The following PAPPA2 variants were observed in gnomAD, a reference collection of about 807,000 sequenced individuals.
PAPPA2 encodes pappalysin-2.
A neutral mutation model predicts 176.4 loss-of-function variants in PAPPA2; 86 were observed. The ratio of observed to expected loss-of-function variants is 0.49; its 90% CI spans 0.41 to 0.58. The LOEUF is 0.58. Ranked by LOEUF, PAPPA2 falls within the 20% of genes least tolerant of loss-of-function variation. PAPPA2 has a pLI of 0.00. For missense variants in PAPPA2, 2,073 were observed against 2,256.9 expected (o/e 0.92, Z 1.65); for synonymous variants, 809 against 852.2 (o/e 0.95, Z 0.88).
At chr1:176,597,603 C>T (rs1654054743) in intron 3 of PAPPA2, among the ~76,000 whole-genome samples, 1 of 152,012 alleles carries the variant, frequency 6.6e-6, no homozygotes, top group Admixed American at 6.6e-5. Context: ...TCGATGGGCG[C>T]AGCAAACCAC....
intron 17 of PAPPA2, among the ~76,000 whole-genome samples, chr1:176,783,628 C>T (rs572499059): frequency 5.1e-4 from 77 of 152,254 alleles, no homozygotes; most frequent in African/African-American, 1.8e-3. Flanking sequence ...TAAATACAAA[C>T]CTTCCCCTAA....
intron 12 of PAPPA2, among the ~76,000 whole-genome samples, chr1:176,729,969 C>T (rs7349124): frequency 0.42 from 64,172 of 151,266 alleles, 14,908 homozygotes; most frequent in African/African-American, 0.61. Context: ...GTAGATTTTT[C>T]TTTTTAGTTG....
intron 1 of PAPPA2, among the ~76,000 whole-genome samples, chr1:176,532,387 G>A (rs1449158725): frequency 6.6e-6 from 1 of 152,192 alleles, no homozygotes; most frequent in Non-Finnish European, 1.5e-5. Context: ...GAAGGTGACT[G>A]CATGGTCAAA....
chr1:176,662,650 C>T (rs1458121938), intron 3 of PAPPA2, among the ~76,000 whole-genome samples: 2 of 151,700 alleles, frequency 1.3e-5, no homozygotes, highest in African/African-American at 4.8e-5. Context: ...ATTTTAGCTT[C>T]CCAGAGAGTT....
rs553475259 is a variant in PAPPA2, at chr1:176,822,257, A to G, written c.5203-17916A>G. On this transcript the variant is annotated intron_variant, in intron 21 of 22. Transcript: ENST00000367662. ...GTCACCTCCTAGTTGATTGTTCTTC[A>G]TGACTCTTGGCTCTGATCTCTAAGG... 2.6e-5 allele frequency among the ~76,000 whole-genome samples: 4 copies of G among 152,226 alleles called. No individual in the cohort carries two copies. In the South Asian group the frequency reaches 8.3e-4, roughly 32 times the overall value.
intron 12 of PAPPA2, among the ~76,000 whole-genome samples, chr1:176,717,490 G>T (rs754128604): frequency 1.3e-5 from 2 of 152,208 alleles, no homozygotes; most frequent in African/African-American, 2.4e-5. Context: ...ACTGCCAAAA[G>T]CTCCTAGGCT....
Position 176,692,109 on chromosome 1 carries a change from C to T in PAPPA2, c.2432-17C>T, listed in dbSNP as rs1660145014. ...TTAAAATCTCCATCTCTTGTGCCAC[C>T]TTTTTTGTCTCCACAGATGATAACT... is the stretch of plus-strand genomic sequence containing the variant. On this transcript the variant is annotated splice_polypyrimidine_tract_variant and intron_variant, in intron 5 of 22. Transcript: ENST00000367662. 1.9e-6 allele frequency: 3 copies of T among 1,596,254 alleles called. No homozygotes were observed. Among genetic ancestry groups the T allele is most frequent in the East Asian group, 2.2e-5 (1 of 44,538 alleles).
chr1:176,685,475 G>A (rs556603963), intron 4 of PAPPA2, among the ~76,000 whole-genome samples: 11 of 152,276 alleles, frequency 7.2e-5, no homozygotes, highest in African/African-American at 1.9e-4. Flanking sequence ...GTAACCATGC[G>A]GAGTCTGACC....
chr1:176,651,718 T>C (rs1657737330), intron 3 of PAPPA2, among the ~76,000 whole-genome samples: 1 of 151,712 alleles, frequency 6.6e-6, no homozygotes, highest in Admixed American at 6.6e-5. Flanking sequence ...ATTTTTTTAA[T>C]AAGCTTTCTA....
intron 17 of PAPPA2, among the ~76,000 whole-genome samples, chr1:176,778,565 A>T (rs1664564224): frequency 6.6e-6 from 1 of 152,194 alleles, no homozygotes; most frequent in South Asian, 2.1e-4. Context: ...AAGGCAAGCT[A>T]AAACTCATTA....
intron 1 of PAPPA2, among the ~76,000 whole-genome samples, chr1:176,529,618 G>T (rs1649693695): frequency 6.6e-6 from 1 of 152,200 alleles, no homozygotes; most frequent in Non-Finnish European, 1.5e-5. Flanking sequence ...AGAGCCCAGT[G>T]CTGCCTTCCC....
At chr1:176,578,245 G>A (rs938482408) in intron 2 of PAPPA2, among the ~76,000 whole-genome samples, 2 of 152,214 alleles carry the variant, frequency 1.3e-5, no homozygotes, top group African/African-American at 4.8e-5. Context: ...CACATATGCT[G>A]TAATCTAACT....
chr1:176,642,679 G>A (rs749511714), intron 3 of PAPPA2, among the ~76,000 whole-genome samples: 1 of 151,934 alleles, frequency 6.6e-6, no homozygotes, highest in Non-Finnish European at 1.5e-5. Context: ...AGAGGATAAA[G>A]TTGAACATAA....
intron 2 of PAPPA2, among the ~76,000 whole-genome samples, chr1:176,566,855 C>A (rs916595596): frequency 6.6e-6 from 1 of 152,032 alleles, no homozygotes; most frequent in Non-Finnish European, 1.5e-5. Context: ...TTGAGGAGGC[C>A]AAATAAACAC....
intron 2 of PAPPA2, among the ~76,000 whole-genome samples, chr1:176,564,872 A>G (rs1018421995): frequency 6.6e-6 from 1 of 151,816 alleles, no homozygotes; most frequent in Admixed American, 6.6e-5. Flanking sequence ...TCTCAATCTA[A>G]TTTTAGAATA....
intron 2 of PAPPA2, among the ~76,000 whole-genome samples, chr1:176,578,376 T>A (rs1030189533): frequency 6.6e-6 from 1 of 152,160 alleles, no homozygotes; most frequent in African/African-American, 2.4e-5. Context: ...TCCCCTTGGA[T>A]CATTCTTCTA....
chr1:176,806,673 A>C (rs1226729794), intron 21 of PAPPA2, among the ~76,000 whole-genome samples: 1 of 152,158 alleles, frequency 6.6e-6, no homozygotes, highest in Non-Finnish European at 1.5e-5. Flanking sequence ...GACAGATAAA[A>C]TTCATCTCTT....
intron 1 of PAPPA2, among the ~76,000 whole-genome samples, chr1:176,478,201 A>G (rs146431449): frequency 2.4e-4 from 37 of 152,376 alleles, no homozygotes; most frequent in African/African-American, 8.9e-4. Context: ...ATAAGAAGAC[A>G]TTGAGGAATC....
At chr1:176,653,105 G>A (rs184243154) in intron 3 of PAPPA2, among the ~76,000 whole-genome samples, 1 of 151,776 alleles carries the variant, frequency 6.6e-6, no homozygotes, top group East Asian at 2.0e-4. Flanking sequence ...TTTGGGAAAA[G>A]GTGAGCATGG....
Sources: gnomAD v4.1 joint callset for allele counts (sites outside exome capture counted in the v4.1 genomes callset) on GRCh38, gnomAD v4.1.1 for gene constraint, MANE v1.5 for transcripts, NCBI Gene and HGNC (gene_info 2026-07-23, HGNC 2026-07-21) for gene names.